The following ZMYM6 variants were observed in gnomAD, a reference collection of about 807,000 sequenced individuals.
ZMYM6 encodes the protein zinc finger MYM-type containing 6.
In ZMYM6, 90 loss-of-function variants were observed where a neutral mutation model predicts 134.0. The observed-to-expected ratio is 0.67, with a 90% CI of 0.57 to 0.80. The LOEUF is 0.80. Among genes scored for constraint, ZMYM6 ranks in the 30% least tolerant of loss-of-function variants. The probability of loss-of-function intolerance (pLI) is 0.00; values close to 1 mark genes in which losing one functional copy is unlikely to be tolerated. For missense variants in ZMYM6, 1,362 were observed against 1,533.9 expected, an observed-to-expected ratio of 0.89 and a Z score of 1.87; for synonymous variants, 481 against 524.1, an observed-to-expected ratio of 0.92 and a Z score of 1.12.
intron 6 of ZMYM6, among the ~76,000 whole-genome samples, chr1:35,014,428 C>T (rs1190083408): frequency 2.6e-5 from 4 of 152,112 alleles, no homozygotes; most frequent in Admixed American, 6.5e-5. Context: ...CATGGCAAAA[C>T]CCTATCTCGA....
intron 6 of ZMYM6, chr1:35,013,423 A>C: frequency 2.0e-6 from 2 of 984,142 alleles, no homozygotes; most frequent in Non-Finnish European, 2.4e-6. Flanking sequence ...TCACTACATA[A>C]TCTTCCTAGT....
rs1189007672 is a variant in ZMYM6, at chr1:34,988,616, T to C, written c.2466A>G (p.Leu822=). 2.6e-6 allele frequency: 4 copies of C among 1,549,266 alleles called. No individual in the cohort carries two copies. The highest frequency in any genetic ancestry group is 1.4e-5 in the African/African-American group (1 of 72,916). ...CTTTCACAAGTGACTTTTCAACTAGTAAACACTTTTTTAAAGAACTATTTT... is the reference window on the plus strand; with the variant it reads ...CTTTCACAAGTGACTTTTCAACTAGCAAACACTTTTTTAAAGAACTATTTT... The part of the protein sequence containing the change: ...ECQNSSLKKC[L]LVEKSLVKAS... The change falls in exon 16 of 16, where the codon TTA becomes TTG. Residue 822 remains leucine (L), a synonymous_variant. Transcript: ENST00000357182.
intron 15 of ZMYM6, chr1:34,989,308 T>G (rs184927598): frequency 1.0e-6 from 1 of 966,714 alleles, no homozygotes; most frequent in East Asian, 1.1e-4. Context: ...GACACCAAGG[T>G]GGGTGGGTCA....
At chr1:35,022,242 G>C (rs763699632) in intron 2 of ZMYM6, among the ~76,000 whole-genome samples, 1 of 152,170 alleles carries the variant, frequency 6.6e-6, no homozygotes, top group Non-Finnish European at 1.5e-5. Context: ...TACGTGCACA[G>C]ATGGGAATCA....
chr1:35,020,536 G>GA, intron 2 of ZMYM6, 69 bp from the exon 3 acceptor site: 1 of 714,980 alleles, frequency 1.4e-6, no homozygotes, highest in South Asian at 2.2e-5. Flanking sequence ...AGAAATTCAA[G>GA]CAAAAAAAAA....
chr1:35,011,048 C>T lies in ZMYM6; in HGVS notation c.1063-12G>A, dbSNP rs1485504895. The stretch of plus-strand genomic sequence containing the variant: ...TTGCTAAATACATTCTGAATGAAAA[C>T]AAATAAGGTAAAGATTTTATCAACT... On this transcript the variant is annotated splice_polypyrimidine_tract_variant and intron_variant, in intron 8 of 15. Coordinates refer to ENST00000357182, the MANE Select transcript of ZMYM6 (RefSeq NM_007167.4). 1.9e-6 allele frequency: 3 copies of T among 1,606,874 alleles called. No homozygotes were observed. The highest frequency in any genetic ancestry group is 2.5e-6 in the Non-Finnish European group (3 of 1,178,298).
Position 35,010,583 on chromosome 1 carries a change from C to T in ZMYM6, c.1356G>A (p.Leu452=), listed in dbSNP as rs765694343. The change falls in exon 10 of 16, where the codon CTG becomes CTA. Residue 452 remains leucine (L), a synonymous_variant. Transcript: ENST00000357182. Reference sequence around the variant, plus strand: ...CATCAGAGCAATTCTTGCCACAAAACAGAAACATTTTACCCTGCAGAGAAA... The same window carrying T: ...CATCAGAGCAATTCTTGCCACAAAATAGAAACATTTTACCCTGCAGAGAAA... ...ELLFYKGKMF[L]FCGKNCSDEY... 8 of 1,611,706 alleles carry T rather than the reference C, an allele frequency of 5.0e-6. No homozygotes were observed. The highest frequency in any genetic ancestry group is 6.8e-6 in the Non-Finnish European group (8 of 1,179,392).
intron 14 of ZMYM6, 135 bp from the exon 15 acceptor site, chr1:34,992,522 A>G (rs1640695496): frequency 3.3e-6 from 3 of 902,676 alleles, no homozygotes; most frequent in Non-Finnish European, 4.7e-6. Context: ...TGCAATAAAA[A>G]AGTCACCTTG....
chr1:34,996,354 T>C (rs987651807), intron 14 of ZMYM6, among the ~76,000 whole-genome samples: 1 of 152,254 alleles, frequency 6.6e-6, no homozygotes, highest in African/African-American at 2.4e-5. Flanking sequence ...TCTATTCATA[T>C]TCATTACCAC....
chr1:35,017,300 G>A (rs1641219001), intron 4 of ZMYM6: 1 of 152,126 alleles, frequency 6.6e-6, no homozygotes, highest in African/African-American at 2.4e-5. Flanking sequence ...TTAAAAATAT[G>A]ACAGCAAATC....
At chr1:35,012,073 G>T in intron 7 of ZMYM6, 68 bp from the exon 8 acceptor site, 2 of 976,350 alleles carry the variant, frequency 2.0e-6, no homozygotes, top group South Asian at 2.2e-5. Flanking sequence ...AAAATGTATT[G>T]GGAGAATGAA....
chr1:35,010,134 CAAGT>C (rs1641058541), intron 10 of ZMYM6, among the ~76,000 whole-genome samples: 1 of 152,146 alleles, frequency 6.6e-6, no homozygotes, highest in African/African-American at 2.4e-5. Flanking sequence ...CTCAGGCTCC[CAAGT>C]AGCTGGGATT....
Position 35,015,081 on chromosome 1 carries a change from G to C in ZMYM6, c.510C>G (p.Cys170Trp). 1 of 1,614,032 alleles carries C rather than the reference G, an allele frequency of 6.2e-7. No individual in the cohort carries two copies. Among genetic ancestry groups the C allele is most frequent in the Non-Finnish European group, 8.5e-7 (1 of 1,179,970 alleles). The change falls in exon 5 of 16, where the codon TGC becomes TGG. Residue 170 changes from cysteine (C) to tryptophan (W), a missense_variant. Coordinates refer to ENST00000357182, the MANE Select transcript of ZMYM6 (RefSeq NM_007167.4). ...YPSKDFCSQS[C>W]LSSYELKKKP... is the part of the protein sequence containing the mutation. ...TTTTCTTTAGCTCATAAGATGACAAGCATGATTGGCTGCAGAAATCTTTGC... is the reference window on the plus strand; with the variant it reads ...TTTTCTTTAGCTCATAAGATGACAACCATGATTGGCTGCAGAAATCTTTGC...
At chr1:35,012,392 A>C in intron 7 of ZMYM6, 39 bp downstream of exon 7, 1 of 1,403,142 alleles carries the variant, frequency 7.1e-7, no homozygotes. Context: ...TTTCTTCAAT[A>C]GTTATTAAAT....
intron 14 of ZMYM6, among the ~76,000 whole-genome samples, chr1:34,998,381 T>A (rs1359658736): frequency 6.6e-6 from 1 of 152,206 alleles, no homozygotes; most frequent in Admixed American, 6.5e-5. Context: ...ATATCTGTAG[T>A]TTTCCTATAA....
intron 14 of ZMYM6, among the ~76,000 whole-genome samples, chr1:34,993,840 C>T (rs893706055): frequency 6.6e-6 from 1 of 151,980 alleles, no homozygotes. Context: ...CCCGCCACCA[C>T]GCCCGGCTAA....
In ZMYM6 at chr1:35,019,580, A is replaced by C; in HGVS notation, c.201T>G (p.Phe67Leu). The stretch of plus-strand genomic sequence containing the variant: ...GGCCAGATGATGCAAAAGAAAGCTG[A>C]AAGCCTGGGTTCAACTGCTGGGCTA... The part of the protein sequence containing the change: ...RPIAQQLNPG[F>L]QLSFASSGPS... Residue 67 changes from phenylalanine (F) to leucine (L), a missense_variant, in exon 4 of 16, where the codon TTT (phenylalanine) becomes TTG (leucine). Physicochemically the swap from Phe to Leu is conservative, Grantham distance 22. Coordinates refer to ENST00000357182, the MANE Select transcript of ZMYM6 (RefSeq NM_007167.4). 1.2e-6 allele frequency: 2 copies of C among 1,601,354 alleles called. No individual in the cohort carries two copies. Among genetic ancestry groups the C allele is most frequent in the Non-Finnish European group, 1.7e-6 (2 of 1,176,862 alleles).
chr1:35,018,376 C>T (rs1306278171), intron 4 of ZMYM6: 1 of 151,830 alleles, frequency 6.6e-6, no homozygotes, highest in Non-Finnish European at 1.5e-5. Context: ...GCAGGATCTA[C>T]TTTTAAATAG....
chr1:34,997,770 A>G (rs572601153), intron 14 of ZMYM6, among the ~76,000 whole-genome samples: 61 of 152,078 alleles, frequency 4.0e-4, no homozygotes, highest in South Asian at 1.0e-3. Context: ...AGACCTCTAC[A>G]CCGTTAAAAT....
Sources: gnomAD v4.1 joint callset for allele counts (sites outside exome capture counted in the v4.1 genomes callset) on GRCh38, gnomAD v4.1.1 for gene constraint, MANE v1.5 for transcripts, NCBI Gene and HGNC (gene_info 2026-07-23, HGNC 2026-07-21) for gene names.